Variants in HIP1 observed in about 807,000 individuals in gnomAD.
HIP1 encodes huntingtin interacting protein 1.
A neutral mutation model predicts 147.6 loss-of-function variants in HIP1; 65 were observed. That is an observed-to-expected ratio of 0.44 (90% CI 0.36 to 0.54). The LOEUF (loss-of-function observed/expected upper bound fraction) is 0.54. Ranked by LOEUF, HIP1 falls within the 20% of genes least tolerant of loss-of-function variation. The pLI is 0.00. For missense variants in HIP1, 1,061 were observed against 1,299.6 expected, an observed-to-expected ratio of 0.82 and a Z score of 2.82; for synonymous variants, 479 against 504.0, an observed-to-expected ratio of 0.95 and a Z score of 0.67.
intron 1 of HIP1, among the ~76,000 whole-genome samples, chr7:75,659,752 T>A (rs1253812776): frequency 1.3e-5 from 2 of 152,198 alleles, no homozygotes; most frequent in African/African-American, 4.8e-5. Context: ...GGTCTTCCTC[T>A]TAGCAGATGC....
chr7:75,535,713 A>ATT lies in HIP1; in HGVS notation c.*2457_*2458dup, dbSNP rs782513114. The ATT allele has an allele frequency of 5.4e-4, 85 of 156,478 alleles. No individual in the cohort carries two copies. The highest frequency in any genetic ancestry group is 1.8e-3 in the East Asian group (15 of 8,502). The allele number at this position is 156,478 out of a possible 1,614,324, so 9.7% of individuals were successfully genotyped here. A position where few individuals can be genotyped will look rare whatever the true frequency, so the allele number is the denominator to read the frequency against. ...CACTAGACTGTTTGCCCCATTTGTA[A>ATT]TTTTTTTTTTTTTTTGAGACGGAGT... On this transcript the variant is annotated 3_prime_UTR_variant, in exon 31 of 31. Coordinates refer to ENST00000336926, the MANE Select transcript of HIP1 (RefSeq NM_005338.7).
intron 1 of HIP1, among the ~76,000 whole-genome samples, chr7:75,708,607 A>C (rs1801072219): frequency 6.6e-6 from 1 of 152,178 alleles, no homozygotes; most frequent in Non-Finnish European, 1.5e-5. Flanking sequence ...GTGAAAAAAA[A>C]AAGTTTTTTC....
rs1377020642 is a variant in HIP1, at chr7:75,547,763, C to T, written c.2457G>A (p.Val819=). 6 of 1,613,698 alleles carry T rather than the reference C, an allele frequency of 3.7e-6. No homozygotes were observed. In the Admixed American group the frequency reaches 6.7e-5, roughly 18 times the overall value. The change falls in exon 24 of 31, where the codon GTG becomes GTA. Residue 819 remains valine, a synonymous_variant. Transcript: ENST00000336926. ...ATGCCGCTCAGACCGACCTTTCATTCACCTCCAATTTGACTCCTGTGTCTC... is the reference window on the plus strand; with the variant it reads ...ATGCCGCTCAGACCGACCTTTCATTTACCTCCAATTTGACTCCTGTGTCTC... ...RAGDTGVKLE[V]NERILGCCTS...
rs117248355 is a variant in HIP1 at position 75,614,597 on chromosome 7, G to A, written c.121-15350C>T. Among the ~76,000 whole-genome samples the A allele has an allele frequency of 9.7e-4, 148 of 152,294 alleles. 1 individual carries two copies. In the East Asian group the frequency reaches 0.018, roughly 19 times the overall value. On this transcript the variant is annotated intron_variant, in intron 1 of 30. Transcript: ENST00000336926. Reference sequence around the variant, plus strand: ...GGGGAGTGATTGCTTAATGGGAACAGGGTTTCCTTTACGGATAGTGAAAAT... The same window carrying A: ...GGGGAGTGATTGCTTAATGGGAACAAGGTTTCCTTTACGGATAGTGAAAAT...
At chr7:75,572,716 TCTTGAGGGTC>T (rs1554496901) in intron 8 of HIP1, among the ~76,000 whole-genome samples, 1 of 152,156 alleles carries the variant, frequency 6.6e-6, no homozygotes, top group Admixed American at 6.5e-5. Flanking sequence ...CTCCCTGTGC[TCTTGAGGGTC>T]CGGAGCAGGC....
intron 1 of HIP1, among the ~76,000 whole-genome samples, chr7:75,635,154 C>T (rs1410203762): frequency 6.6e-6 from 1 of 152,094 alleles, no homozygotes; most frequent in South Asian, 2.1e-4. Flanking sequence ...CACTTTATCC[C>T]TGAGTGCAGG....
chr7:75,720,209 A>G (rs1801457478), intron 1 of HIP1, among the ~76,000 whole-genome samples: 1 of 152,016 alleles, frequency 6.6e-6, no homozygotes, highest in Admixed American at 6.6e-5. Context: ...CACCCAGGCC[A>G]GAGTGCAGTG....
rs1798613763 is a variant in HIP1 at position 75,640,457 on chromosome 7, G to A, written c.121-41210C>T. ...TAATGAACAGGTGGGCCTGGCTCCC[G>A]GCGGGCTCACGCCTGTAATCCCAGC... On this transcript the variant is annotated intron_variant, in intron 1 of 30. Transcript: ENST00000336926. Among the ~76,000 whole-genome samples the A allele has an allele frequency of 3.3e-5, 5 of 152,290 alleles. No individual in the cohort carries two copies. The South Asian group carries it at 1.0e-3, about 32-fold the overall frequency.
intron 1 of HIP1, among the ~76,000 whole-genome samples, chr7:75,720,131 A>G (rs1305528261): frequency 6.8e-6 from 1 of 147,294 alleles, no homozygotes; most frequent in Admixed American, 6.7e-5. Context: ...TACAGGTTTC[A>G]AGTTTTTTGT....
chr7:75,592,450 C>A lies in HIP1; in HGVS notation c.249G>T (p.Leu83=). ...AQTFWSVVNR[L]PLSSNAVLCW... is the part of the protein sequence containing the mutation. Reference sequence around the variant, plus strand: ...AGAGCACTGCGTTGCTAGACAGAGGCAGGCGGTTGACAACAGACCAGAAGG... The same window carrying A: ...AGAGCACTGCGTTGCTAGACAGAGGAAGGCGGTTGACAACAGACCAGAAGG... Residue 83 remains leucine, a synonymous_variant, in exon 3 of 31, where the codon CTG becomes CTT. Coordinates refer to ENST00000336926, the MANE Select transcript of HIP1 (RefSeq NM_005338.7). 8.7e-6 allele frequency: 14 copies of A among 1,612,764 alleles called. No individual in the cohort carries two copies. Among genetic ancestry groups the A allele is most frequent in the Non-Finnish European group, 1.2e-5 (14 of 1,179,720 alleles).
intron 1 of HIP1, among the ~76,000 whole-genome samples, chr7:75,670,742 T>C (rs1384226387): frequency 6.6e-6 from 1 of 150,830 alleles, no homozygotes; most frequent in Non-Finnish European, 1.5e-5. Flanking sequence ...GCCTCCAAAG[T>C]AGCTGGGACT....
At chr7:75,545,307 G>A in intron 25 of HIP1, 119 bp from the exon 26 acceptor site, 2 of 688,672 alleles carry the variant, frequency 2.9e-6, no homozygotes, top group South Asian at 1.6e-5. Context: ...ATAAGCATTA[G>A]TATTCCCATT....
intron 1 of HIP1, among the ~76,000 whole-genome samples, chr7:75,695,706 C>T (rs1336178008): frequency 6.6e-6 from 1 of 151,942 alleles, no homozygotes; most frequent in African/African-American, 2.4e-5. Context: ...TCCCAAGTAG[C>T]TCAGATTACA....
intron 1 of HIP1, among the ~76,000 whole-genome samples, chr7:75,624,735 A>G (rs587767261): frequency 2.6e-5 from 4 of 152,124 alleles, no homozygotes; most frequent in African/African-American, 7.2e-5. Context: ...CCCTTTCCCA[A>G]ATACGTCCTG....
intron 1 of HIP1, among the ~76,000 whole-genome samples, chr7:75,680,124 C>T (rs1030760947): frequency 6.6e-6 from 1 of 152,140 alleles, no homozygotes; most frequent in Non-Finnish European, 1.5e-5. Context: ...CTCACTGTAA[C>T]CTCTACCTCC....
At chr7:75,705,589 A>G (rs1800965524) in intron 1 of HIP1, among the ~76,000 whole-genome samples, 1 of 152,066 alleles carries the variant, frequency 6.6e-6, no homozygotes, top group African/African-American at 2.4e-5. Flanking sequence ...TCCTGACCTC[A>G]GATGATCTGC....
intron 1 of HIP1, among the ~76,000 whole-genome samples, chr7:75,686,609 T>A (rs1331408861): frequency 6.6e-5 from 10 of 152,066 alleles, no homozygotes; most frequent in South Asian, 4.2e-4. Context: ...GAGAGAGGGA[T>A]TTTCTTATCA....
At chr7:75,560,569 C>G (rs1033957988) in intron 13 of HIP1, among the ~76,000 whole-genome samples, 1 of 152,032 alleles carries the variant, frequency 6.6e-6, no homozygotes, top group Non-Finnish European at 1.5e-5. Flanking sequence ...CTCTCCTTAT[C>G]GCCATGTGAG....
chr7:75,589,234 A>G (rs1584842753), intron 4 of HIP1, among the ~76,000 whole-genome samples: 1 of 152,264 alleles, frequency 6.6e-6, no homozygotes, highest in African/African-American at 2.4e-5. Flanking sequence ...GAGAAGCTTA[A>G]TAACACATTA....
Sources: allele counts gnomAD v4.1 joint callset (sites outside exome capture counted in the v4.1 genomes callset), GRCh38; gene constraint gnomAD v4.1.1; transcripts MANE v1.5; gene names NCBI Gene and HGNC (gene_info 2026-07-23, HGNC 2026-07-21).